Variants in ARHGEF26 observed in about 807,000 individuals in gnomAD.
ARHGEF26 encodes Rho guanine nucleotide exchange factor 26, also known as Rho guanine nucleotide exchange factor (GEF) 26.
Under a neutral mutation model 89.4 loss-of-function variants are expected in ARHGEF26, and 59 were observed. The observed-to-expected ratio is 0.66, with a 90% CI of 0.54 to 0.82. The LOEUF (loss-of-function observed/expected upper bound fraction) is 0.82, where lower values mean the gene tolerates loss of function less well. Among genes scored for constraint, ARHGEF26 ranks in the 40% least tolerant of loss-of-function variants. The probability of loss-of-function intolerance (pLI) is 0.00; values close to 1 mark genes in which losing one functional copy is unlikely to be tolerated. For synonymous variants in ARHGEF26, 500 were observed against 428.4 expected (o/e 1.17, Z -2.06); for missense variants, 1,234 against 1,085.6 (o/e 1.14, Z -1.92).
chr3:154,240,661 A>G, intron 12 of ARHGEF26, 82 bp downstream of exon 12: 2 of 1,261,298 alleles, frequency 1.6e-6, no homozygotes, highest in Non-Finnish European at 1.1e-6. Context: ...ACTTCCTAAA[A>G]ACAGCAGCTA....
At chr3:154,158,023 T>C (rs1162225628) in intron 6 of ARHGEF26, among the ~76,000 whole-genome samples, 1 of 152,104 alleles carries the variant, frequency 6.6e-6, no homozygotes, top group Non-Finnish European at 1.5e-5. Flanking sequence ...TACTTGGAAA[T>C]GCATTTTTGG....
intron 11 of ARHGEF26, among the ~76,000 whole-genome samples, chr3:154,236,876 T>TGGATATTGGG (rs1210091419): frequency 6.6e-6 from 1 of 152,188 alleles, no homozygotes; most frequent in African/African-American, 2.4e-5. Context: ...GTAATGATAT[T>TGGATATTGGG]GGATATTGGG....
intron 9 of ARHGEF26, among the ~76,000 whole-genome samples, chr3:154,214,105 A>C (rs1399668088): frequency 6.6e-6 from 1 of 152,206 alleles, no homozygotes. Flanking sequence ...CAGCATATGC[A>C]TCCAACATTT....
intron 9 of ARHGEF26, among the ~76,000 whole-genome samples, chr3:154,214,080 A>C (rs1715573244): frequency 1.3e-5 from 2 of 152,158 alleles, no homozygotes; most frequent in African/African-American, 4.8e-5. Context: ...CATGCAAAAG[A>C]GGGAAGGTGG....
intron 6 of ARHGEF26, among the ~76,000 whole-genome samples, chr3:154,158,898 A>T (rs1435476630): frequency 6.6e-6 from 1 of 152,094 alleles, no homozygotes; most frequent in Non-Finnish European, 1.5e-5. Context: ...TATAAATGTG[A>T]TTAACTTACA....
intron 14 of ARHGEF26, among the ~76,000 whole-genome samples, chr3:154,255,117 A>T (rs1424376908): frequency 6.6e-6 from 1 of 151,946 alleles, no homozygotes; most frequent in Non-Finnish European, 1.5e-5. Flanking sequence ...CCCAGGTTCA[A>T]ATACTCTCAG....
In ARHGEF26 at chr3:154,255,395, G is replaced by A. The variant is rs776403482; in HGVS notation, c.2538G>A (p.Lys846=). ...ERGWFPMECA[K]EITCQATIDK... is the part of the protein sequence containing the mutation. ...GCTGGTTTCCTATGGAATGTGCCAA[G>A]GAGATAACATGTCAAGCTACAATTG... Residue 846 remains lysine (K), a synonymous_variant, in exon 15 of 15, where the codon AAG becomes AAA. Coordinates refer to ENST00000465093, the MANE Select transcript of ARHGEF26 (RefSeq NM_015595.4). The A allele has an allele frequency of 1.3e-5, 21 of 1,613,714 alleles. No individual in the cohort carries two copies. The South Asian group carries it at 2.3e-4, about 18-fold the overall frequency.
rs568020641 is a variant in ARHGEF26, at chr3:154,172,189, G to A, written c.1488-15496G>A. Among the ~76,000 whole-genome samples the A allele has an allele frequency of 7.2e-4, 110 of 152,312 alleles. 1 individual carries two copies. Among genetic ancestry groups the A allele is most frequent in the African/African-American group, 1.9e-3 (80 of 41,576 alleles). On this transcript the variant is annotated intron_variant, in intron 6 of 14. Coordinates refer to ENST00000465093, the MANE Select transcript of ARHGEF26 (RefSeq NM_015595.4). ...ACACTTTTGGAACTCTGGAGTCATG[G>A]CATGGCCCCTGTGCCTTCCAGAAGA...
intron 6 of ARHGEF26, among the ~76,000 whole-genome samples, chr3:154,172,906 C>G (rs557670261): frequency 6.6e-6 from 1 of 152,152 alleles, no homozygotes; most frequent in Admixed American, 6.5e-5. Flanking sequence ...TTTTATAACT[C>G]TAAGTTGTCA....
In ARHGEF26 at chr3:154,240,378, G is replaced by C; in HGVS notation, c.2099G>C (p.Ser700Thr). 6.2e-7 allele frequency: 1 copy of C among 1,604,458 alleles called. No individual in the cohort carries two copies. The highest frequency in any genetic ancestry group is 8.5e-7 in the Non-Finnish European group (1 of 1,173,440). Reference sequence around the variant, plus strand: ...TTCCCTTTCCTTTACAGTGAAGAAAGTTACAACGTCAATGATTATTCCTTA... The same window carrying C: ...TTCCCTTTCCTTTACAGTGAAGAAACTTACAACGTCAATGATTATTCCTTA... Reference protein sequence around the residue: ...LIITKKKSEESYNVNDYSLRD... With the variant: ...LIITKKKSEETYNVNDYSLRD... Residue 700 changes from serine to threonine, a missense_variant, in exon 12 of 15, where the codon AGT (serine) becomes ACT (threonine). Physicochemically the swap from Ser to Thr is moderately conservative, Grantham distance 58. Transcript: ENST00000465093.
At chr3:154,170,673 T>C (rs907138360) in intron 6 of ARHGEF26, among the ~76,000 whole-genome samples, 1 of 152,188 alleles carries the variant, frequency 6.6e-6, no homozygotes, top group African/African-American at 2.4e-5. Context: ...CTTTGGGTTA[T>C]TATGGAAGTT....
intron 9 of ARHGEF26, among the ~76,000 whole-genome samples, chr3:154,198,788 G>T (rs1033668747): frequency 6.6e-6 from 1 of 152,092 alleles, no homozygotes; most frequent in African/African-American, 2.4e-5. Flanking sequence ...CACTGCTCAG[G>T]TGATGGGTAC....
chr3:154,196,287 T>A (rs1714286101), intron 9 of ARHGEF26, among the ~76,000 whole-genome samples: 1 of 152,082 alleles, frequency 6.6e-6, no homozygotes, highest in South Asian at 2.1e-4. Context: ...TAGAAAAATG[T>A]AGGTAGGGTT....
intron 4 of ARHGEF26, among the ~76,000 whole-genome samples, chr3:154,133,573 C>T (rs1228636140): frequency 1.3e-5 from 2 of 151,730 alleles, no homozygotes; most frequent in African/African-American, 4.8e-5. Context: ...GTTTGTGTGT[C>T]TGTTTTTGTA....
intron 11 of ARHGEF26, among the ~76,000 whole-genome samples, chr3:154,237,333 A>G (rs961137731): frequency 6.6e-6 from 1 of 152,064 alleles, no homozygotes; most frequent in Non-Finnish European, 1.5e-5. Context: ...CTTGAGGTCA[A>G]GAGTTCCAGA....
intron 12 of ARHGEF26, among the ~76,000 whole-genome samples, chr3:154,244,873 C>T (rs373550154): frequency 5.3e-4 from 80 of 151,312 alleles, no homozygotes; most frequent in African/African-American, 1.7e-3. Context: ...ATTCTTTTTA[C>T]GGAGAAGCTG....
chr3:154,181,848 C>T (rs959696600), intron 6 of ARHGEF26, among the ~76,000 whole-genome samples: 1 of 152,142 alleles, frequency 6.6e-6, no homozygotes, highest in Non-Finnish European at 1.5e-5. Flanking sequence ...AAGGTAGAGA[C>T]TGACCCAATT....
chr3:154,158,295 T>C (rs115755430), intron 6 of ARHGEF26, among the ~76,000 whole-genome samples: 1,859 of 152,356 alleles, frequency 0.012, 18 homozygotes, highest in Non-Finnish European at 0.018. Flanking sequence ...GGATCTTAAG[T>C]CCTTTGGCTG....
chr3:154,127,147 C>T (rs1316861343), intron 3 of ARHGEF26, among the ~76,000 whole-genome samples: 1 of 152,102 alleles, frequency 6.6e-6, no homozygotes, highest in East Asian at 1.9e-4. Flanking sequence ...TTACTGTACA[C>T]TATTGTAGAC....
Sources: gnomAD v4.1 joint callset for allele counts (sites outside exome capture counted in the v4.1 genomes callset) on GRCh38, gnomAD v4.1.1 for gene constraint, MANE v1.5 for transcripts, NCBI Gene and HGNC (gene_info 2026-07-23, HGNC 2026-07-21) for gene names.